MED12L: variants seen among roughly 807,000 people sequenced by gnomAD.
MED12L encodes the protein mediator of RNA polymerase II transcription subunit 12-like protein.
Under a neutral mutation model 281.3 loss-of-function variants are expected in MED12L, and 60 were observed. That is an observed-to-expected ratio of 0.21 (90% CI 0.17 to 0.26). The LOEUF (loss-of-function observed/expected upper bound fraction) is 0.26, where lower values mean the gene tolerates loss of function less well. MED12L is among the 10% of genes least tolerant of loss of function. MED12L has a pLI of 1.00. For synonymous variants in MED12L, 974 were observed against 987.2 expected, an observed-to-expected ratio of 0.99 and a Z score of 0.25; for missense variants, 2,146 against 2,680.9, an observed-to-expected ratio of 0.80 and a Z score of 4.41.
intron 16 of MED12L, among the ~76,000 whole-genome samples, chr3:151,267,458 C>T (rs1740052561): frequency 6.6e-6 from 1 of 152,100 alleles, no homozygotes; most frequent in South Asian, 2.1e-4. Context: ...AATTCTAAGC[C>T]ACTATTGATT....
At chr3:151,104,644 T>G (rs1721786034) in intron 2 of MED12L, among the ~76,000 whole-genome samples, 1 of 152,204 alleles carries the variant, frequency 6.6e-6, no homozygotes, top group Non-Finnish European at 1.5e-5. Flanking sequence ...CTGTATGTTT[T>G]CATTTCCTAG....
intron 20 of MED12L, among the ~76,000 whole-genome samples, chr3:151,359,342 G>A (rs1220698964): frequency 6.6e-6 from 1 of 152,120 alleles, no homozygotes; most frequent in African/African-American, 2.4e-5. Context: ...TCTTAATTGT[G>A]TGACACTTTT....
rs535052262 is a variant in MED12L, at chr3:151,285,981, A to G, written c.2251-64078A>G. 2.0e-5 allele frequency among the ~76,000 whole-genome samples: 3 copies of G among 152,296 alleles called. No individual in the cohort carries two copies. In the South Asian group the frequency reaches 6.2e-4, roughly 32 times the overall value. ...GTTTATAAATTACCCAGTTTAAAGT[A>G]TTTTGTTACAGCAGCAGGAATGAAC... On this transcript the variant is annotated intron_variant, in intron 16 of 44. Transcript: ENST00000687756.
intron 16 of MED12L, among the ~76,000 whole-genome samples, chr3:151,342,953 T>A (rs893461038): frequency 1.3e-5 from 2 of 152,194 alleles, no homozygotes; most frequent in African/African-American, 4.8e-5. Flanking sequence ...TGAGGGGAAC[T>A]GAAGAGCAGA....
At chr3:151,166,507 G>C (rs1720744253) in intron 11 of MED12L, among the ~76,000 whole-genome samples, 1 of 151,966 alleles carries the variant, frequency 6.6e-6, no homozygotes, top group South Asian at 2.1e-4. Flanking sequence ...AGAGAAAGGG[G>C]GGGAGAAAAG....
chr3:151,410,403 G>A (rs1446286517), intron 40 of MED12L, among the ~76,000 whole-genome samples: 1 of 152,202 alleles, frequency 6.6e-6, no homozygotes, highest in Non-Finnish European at 1.5e-5. Context: ...GCGTCCTTCA[G>A]CCTGGATCCA....
chr3:151,229,473 ATT>A (rs59434401), intron 16 of MED12L, among the ~76,000 whole-genome samples: 2,965 of 89,968 alleles, frequency 0.033, 35 homozygotes, highest in Middle Eastern at 0.065. Flanking sequence ...TGCCCGGCTA[ATT>A]TTTTTTTTTT....
At chr3:151,193,320 T>G (rs529544819) in intron 15 of MED12L, among the ~76,000 whole-genome samples, 170 bp from the exon 16 acceptor site, 1 of 152,234 alleles carries the variant, frequency 6.6e-6, no homozygotes, top group Non-Finnish European at 1.5e-5. Context: ...CGTACTGATC[T>G]GAATATGAAT....
intron 16 of MED12L, among the ~76,000 whole-genome samples, chr3:151,277,100 C>T (rs6796501): frequency 0.36 from 55,174 of 151,618 alleles, 10,569 homozygotes; most frequent in African/African-American, 0.48. Flanking sequence ...GGTTTTACCA[C>T]GTTGGCCAGG....
At chr3:151,385,299 T>C in intron 36 of MED12L, 108 bp downstream of exon 36, 1 of 645,486 alleles carries the variant, frequency 1.5e-6, no homozygotes, top group Non-Finnish European at 2.5e-6. Context: ...GCTGTTGATG[T>C]TTTTAAGGCA....
At chr3:151,285,379 G>A (rs1303555027) in intron 16 of MED12L, among the ~76,000 whole-genome samples, 31 of 152,092 alleles carry the variant, frequency 2.0e-4, no homozygotes, top group Admixed American at 2.0e-3. Flanking sequence ...CAGCTACTCG[G>A]GAGGCTGAGG....
intron 27 of MED12L, among the ~76,000 whole-genome samples, chr3:151,373,575 C>G (rs1027343065): frequency 1.3e-5 from 2 of 150,918 alleles, no homozygotes; most frequent in African/African-American, 4.9e-5. Context: ...TTTTTTTCCC[C>G]AACTTCTCCT....
In MED12L at chr3:151,162,004, A is replaced by AGC. The variant is rs10667046; in HGVS notation, c.1108-1888_1108-1887dup. ...GGAGTGATGGAGAATAAGGAGAAATAGCACTAATTGTTGTTTTGAGAAACG... is the reference window on the plus strand; with the variant it reads ...GGAGTGATGGAGAATAAGGAGAAATAGCGCACTAATTGTTGTTTTGAGAAACG... On this transcript the variant is annotated intron_variant, in intron 8 of 44. Coordinates refer to ENST00000687756, the MANE Select transcript of MED12L (RefSeq NM_001393769.1). 5.1e-3 allele frequency among the ~76,000 whole-genome samples: 776 copies of AGC among 152,368 alleles called. 21 individuals are homozygous for AGC. The highest frequency in any genetic ancestry group is 0.045 in the Admixed American group (689 of 15,304).
In MED12L at chr3:151,414,710, T is replaced by TA. The variant is rs10712287; in HGVS notation, c.6297+1428dup. Among the ~76,000 whole-genome samples the TA allele has an allele frequency of 2.3e-4, 34 of 149,710 alleles. No individual in the cohort carries two copies. The South Asian group carries it at 2.3e-3, about 10-fold the overall frequency. On this transcript the variant is annotated intron_variant, in intron 42 of 44. Coordinates refer to ENST00000687756, the MANE Select transcript of MED12L (RefSeq NM_001393769.1). ...CCAATTTGTGACCTGTTAAAAATGT[T>TA]AAAAAAAAAAAAAGTTGTATCACAA...
intron 17 of MED12L, among the ~76,000 whole-genome samples, chr3:151,350,507 A>G (rs901849098): frequency 6.6e-6 from 1 of 152,104 alleles, no homozygotes. Context: ...CAAATTTTCT[A>G]TAGTAGTAAT....
intron 16 of MED12L, among the ~76,000 whole-genome samples, chr3:151,284,888 G>A (rs1403649853): frequency 2.6e-5 from 4 of 152,104 alleles, no homozygotes; most frequent in Admixed American, 1.3e-4. Context: ...GATTACAGGC[G>A]TGAGCCACTG....
chr3:151,154,964 G>C (rs1440242545), intron 5 of MED12L, among the ~76,000 whole-genome samples: 1 of 152,184 alleles, frequency 6.6e-6, no homozygotes, highest in Non-Finnish European at 1.5e-5. Context: ...AACAACTCCA[G>C]CGTGCATTTG....
intron 2 of MED12L, among the ~76,000 whole-genome samples, chr3:151,105,410 T>C (rs1037771745): frequency 6.6e-6 from 1 of 152,158 alleles, no homozygotes; most frequent in Non-Finnish European, 1.5e-5. Context: ...CTCTGCTCTT[T>C]CGAGTCTGGT....
intron 17 of MED12L, among the ~76,000 whole-genome samples, chr3:151,354,017 T>TC (rs35200721): frequency 1.8e-4 from 8 of 45,400 alleles, no homozygotes; most frequent in African/African-American, 6.8e-4. Context: ...GGCGGGCGCC[T>TC]GTAGTCCCAG....
Sources: gnomAD v4.1 joint callset for allele counts (sites outside exome capture counted in the v4.1 genomes callset) on GRCh38, gnomAD v4.1.1 for gene constraint, MANE v1.5 for transcripts, NCBI Gene and HGNC (gene_info 2026-07-23, HGNC 2026-07-21) for gene names.